SLC4A4: variants seen among roughly 807,000 people sequenced by gnomAD.
The protein encoded by SLC4A4 is electrogenic sodium bicarbonate cotransporter 1.
In SLC4A4, 27 loss-of-function variants were observed where a neutral mutation model predicts 111.5. The observed-to-expected ratio is 0.24, with a 90% CI of 0.18 to 0.33. The LOEUF (loss-of-function observed/expected upper bound fraction) is 0.33. SLC4A4 is among the 10% of genes least tolerant of loss of function. The pLI, the probability that SLC4A4 is intolerant of heterozygous loss-of-function variation, is 1.00. For missense variants in SLC4A4, 909 were observed against 1,315.5 expected, an observed-to-expected ratio of 0.69 and a Z score of 4.78; for synonymous variants, 443 against 463.4, an observed-to-expected ratio of 0.96 and a Z score of 0.57.
chr4:71,318,203 A>G (rs911452546), intron 3 of SLC4A4, among the ~76,000 whole-genome samples: 3 of 152,076 alleles, frequency 2.0e-5, no homozygotes, highest in Non-Finnish European at 4.4e-5. Flanking sequence ...TGGAAAGCCA[A>G]GTTATTGTTC....
intron 1 of SLC4A4, among the ~76,000 whole-genome samples, chr4:71,064,066 T>C (rs1741452771): frequency 6.6e-6 from 1 of 152,134 alleles, no homozygotes; most frequent in Non-Finnish European, 1.5e-5. Context: ...ACCTACTATG[T>C]ACCCAAAACA....
chr4:71,222,338 C>A (rs1345333995), intron 1 of SLC4A4, among the ~76,000 whole-genome samples: 2 of 152,204 alleles, frequency 1.3e-5, no homozygotes, highest in Non-Finnish European at 1.5e-5. Flanking sequence ...CCTTTTCAAT[C>A]TTTGATCAAC....
chr4:71,271,142 C>T (rs1722678418), intron 3 of SLC4A4, among the ~76,000 whole-genome samples: 1 of 152,150 alleles, frequency 6.6e-6, no homozygotes, highest in Admixed American at 6.5e-5. Context: ...TAAATGTTCA[C>T]TTCTCTGATT....
intron 3 of SLC4A4, among the ~76,000 whole-genome samples, chr4:71,312,972 A>G (rs186831507): frequency 0.031 from 4,759 of 152,190 alleles, 266 homozygotes; most frequent in African/African-American, 0.11. Flanking sequence ...CAAATAGGAA[A>G]AGAGGAAGTC....
intron 23 of SLC4A4, 121 bp from the exon 24 acceptor site, chr4:71,563,672 A>T: frequency 1.4e-6 from 1 of 733,414 alleles, no homozygotes; most frequent in Non-Finnish European, 2.4e-6. Flanking sequence ...GGAAGTAATT[A>T]TAAGGCTTTT....
chr4:71,071,236 C>T (rs1741650760), intron 1 of SLC4A4, among the ~76,000 whole-genome samples: 1 of 149,132 alleles, frequency 6.7e-6, no homozygotes, highest in Non-Finnish European at 1.5e-5. Flanking sequence ...CACCACTGCT[C>T]TCCAGTCTAG....
At chr4:71,549,879 C>T (rs1184575498) in intron 20 of SLC4A4, among the ~76,000 whole-genome samples, 1 of 151,888 alleles carries the variant, frequency 6.6e-6, no homozygotes, top group Non-Finnish European at 1.5e-5. Flanking sequence ...TACAATGATT[C>T]TTTTCACCCC....
At chr4:71,515,425 G>A (rs557080367) in intron 16 of SLC4A4, among the ~76,000 whole-genome samples, 2 of 152,122 alleles carry the variant, frequency 1.3e-5, no homozygotes, top group African/African-American at 4.8e-5. Context: ...TCCATGTGCT[G>A]ATGAAAGAAA....
intron 6 of SLC4A4, among the ~76,000 whole-genome samples, chr4:71,379,781 C>T (rs183535224): frequency 3.9e-5 from 6 of 151,976 alleles, no homozygotes; most frequent in Middle Eastern, 3.4e-3. Context: ...GGAACGATGA[C>T]GAATTTCTCA....
At chr4:71,567,250 A>G (rs1737568904) in intron 25 of SLC4A4, among the ~76,000 whole-genome samples, 167 bp downstream of exon 25, 2 of 151,770 alleles carry the variant, frequency 1.3e-5, no homozygotes, top group African/African-American at 4.8e-5. Context: ...ACTAGTAGAA[A>G]GCATTCTAAG....
At chr4:71,560,794 TA>T (rs772521147) in intron 23 of SLC4A4, among the ~76,000 whole-genome samples, 1 of 151,752 alleles carries the variant, frequency 6.6e-6, no homozygotes, top group Non-Finnish European at 1.5e-5. Context: ...AGTTCTTCAA[TA>T]AAAAGAAAAG....
At chr4:71,406,690 G>A (rs2148993751) in intron 7 of SLC4A4, among the ~76,000 whole-genome samples, 1 of 142,454 alleles carries the variant, frequency 7.0e-6, no homozygotes, top group Admixed American at 7.3e-5. Context: ...CAGCAGTAAT[G>A]TTTTCTACAA....
rs1184310535 is a variant in SLC4A4, at chr4:71,570,905, G to A, written c.*3154G>A. 1 of 152,166 alleles carries A rather than the reference G, an allele frequency of 6.6e-6. No homozygotes were observed. Among genetic ancestry groups the A allele is most frequent in the African/African-American group, 2.4e-5 (1 of 41,402 alleles). The allele number at this position is 152,166 out of a possible 1,614,324, so 9.4% of individuals were successfully genotyped here. ...TGTCCCTGCCTCTTCTCCCAATCAA[G>A]GTTGAGGAGTGGGGCTGGGGAGAGG... On this transcript the variant is annotated 3_prime_UTR_variant, in exon 26 of 26. Coordinates refer to ENST00000264485, the MANE Select transcript of SLC4A4 (RefSeq NM_001098484.3).
intron 2 of SLC4A4, among the ~76,000 whole-genome samples, chr4:71,141,747 T>C (rs904287139): frequency 1.3e-5 from 2 of 152,232 alleles, no homozygotes; most frequent in Non-Finnish European, 2.9e-5. Flanking sequence ...GAACAGTGCC[T>C]GGAACATATT....
At chr4:71,079,420 T>C (rs1372480360) in intron 1 of SLC4A4, among the ~76,000 whole-genome samples, 2 of 152,212 alleles carry the variant, frequency 1.3e-5, no homozygotes, top group Non-Finnish European at 2.9e-5. Context: ...CTAGTCAGAA[T>C]GATCTCCAAG....
chr4:71,453,571 A>G lies in SLC4A4; in HGVS notation c.1399A>G (p.Ile467Val). The G allele has an allele frequency of 1.9e-6, 3 of 1,613,842 alleles. No individual in the cohort carries two copies. The highest frequency in any genetic ancestry group is 2.5e-6 in the Non-Finnish European group (3 of 1,179,730). The change falls in exon 12 of 26, where the codon ATT (isoleucine) becomes GTT (valine). Residue 467 changes from isoleucine to valine, a missense_variant. Physicochemically the swap from Ile to Val is conservative, Grantham distance 29 (BLOSUM62 3). Around this residue, in one of 7 missense-constraint regions of SLC4A4, gnomAD observed 312 missense variants for 402.0 expected, o/e 0.78. Transcript: ENST00000264485. ...CAGTGATTTTTATGATGCTTTAAAT[A>G]TTCAAGCTCTTTCGGCAATTCTCTT... ...FASDFYDALNIQALSAILFIY... is the reference protein window; with the variant it reads ...FASDFYDALNVQALSAILFIY...
At chr4:71,071,694 C>G (rs2148930386) in intron 1 of SLC4A4, among the ~76,000 whole-genome samples, 1 of 152,148 alleles carries the variant, frequency 6.6e-6, no homozygotes, top group South Asian at 2.1e-4. Context: ...TACTAAGTTC[C>G]CTATTTCTTC....
intron 6 of SLC4A4, among the ~76,000 whole-genome samples, chr4:71,377,664 G>T (rs1732532016): frequency 6.6e-6 from 1 of 152,130 alleles, no homozygotes; most frequent in Non-Finnish European, 1.5e-5. Context: ...GCTCATCATT[G>T]TTAGTTAGGA....
chr4:71,487,073 GT>G, intron 15 of SLC4A4, 55 bp downstream of exon 15: 1 of 1,012,194 alleles, frequency 9.9e-7, no homozygotes, highest in Non-Finnish European at 1.6e-6. Context: ...TTGTATACTT[GT>G]TTATAATACT....
Sources: gnomAD v4.1 joint callset for allele counts (sites outside exome capture counted in the v4.1 genomes callset) on GRCh38, gnomAD v4.1.1 for gene constraint, gnomAD v4.1.1 regional missense constraint, MANE v1.5 for transcripts, NCBI Gene and HGNC (gene_info 2026-07-23, HGNC 2026-07-21) for gene names.